STPG2: variants seen among roughly 807,000 people sequenced by gnomAD.
STPG2 encodes sperm tail PG-rich repeat containing 2, also known as sperm-tail PG-rich repeat-containing protein 2.
In STPG2, 56 loss-of-function variants were observed where a neutral mutation model predicts 54.2. That is an observed-to-expected ratio of 1.03 (90% CI 0.83 to 1.29). The LOEUF (loss-of-function observed/expected upper bound fraction) is 1.29. Ranked by LOEUF, STPG2 falls within the 50% of genes most tolerant of loss-of-function variation. The pLI is 0.00. For synonymous variants in STPG2, 200 were observed against 181.8 expected, an observed-to-expected ratio of 1.10 and a Z score of -0.81; for missense variants, 596 against 544.9, an observed-to-expected ratio of 1.09 and a Z score of -0.93.
At chr4:97,591,640 A>C (rs914739313) in intron 10 of STPG2, among the ~76,000 whole-genome samples, 3 of 152,088 alleles carry the variant, frequency 2.0e-5, no homozygotes, top group Non-Finnish European at 2.9e-5. Context: ...GTACTTTTTT[A>C]TTTCTTTCAA....
intron 9 of STPG2, among the ~76,000 whole-genome samples, chr4:97,821,129 TA>T (rs1404182142): frequency 6.6e-6 from 1 of 152,008 alleles, no homozygotes; most frequent in Non-Finnish European, 1.5e-5. Flanking sequence ...CAAAAACAGG[TA>T]GTTACTTTAA....
chr4:97,943,928 C>A lies in STPG2; in HGVS notation c.1013G>T (p.Arg338Ile). Residue 338 changes from arginine (R) to isoleucine (I), a missense_variant, in exon 8 of 11, where the codon AGA (arginine) becomes ATA (isoleucine). By Grantham distance (97) the Arg-to-Ile change is moderately conservative (BLOSUM62 -3). Coordinates refer to ENST00000295268, the MANE Select transcript of STPG2 (RefSeq NM_174952.3). The stretch of plus-strand genomic sequence containing the variant: ...TGGTACTTTCATAGTTCTTTTGGCT[C>A]TTGACAAGAAAGCAGCATATTTGTT... ...LTNKYAAFLS[R>I]AKRTMKVPDM... 6.3e-7 allele frequency: 1 copy of A among 1,589,442 alleles called. No homozygotes were observed. Among genetic ancestry groups the A allele is most frequent in the Non-Finnish European group, 8.5e-7 (1 of 1,172,410 alleles).
At chr4:97,740,361 C>T (rs2149035799) in intron 9 of STPG2, among the ~76,000 whole-genome samples, 1 of 152,172 alleles carries the variant, frequency 6.6e-6, no homozygotes, top group East Asian at 1.9e-4. Context: ...AAGTTCTGGC[C>T]AGGGAATTAG....
chr4:97,876,830 T>C (rs1017578050), intron 8 of STPG2, among the ~76,000 whole-genome samples: 5 of 152,070 alleles, frequency 3.3e-5, no homozygotes, highest in African/African-American at 1.2e-4. Flanking sequence ...GCAAAGAGAC[T>C]CTATGTTTTC....
chr4:98,027,136 A>C (rs1736448511), intron 5 of STPG2, among the ~76,000 whole-genome samples: 2 of 152,204 alleles, frequency 1.3e-5, no homozygotes, highest in Non-Finnish European at 2.9e-5. Context: ...TCCAAAGACA[A>C]GAGGTATTTG....
intron 5 of STPG2, among the ~76,000 whole-genome samples, chr4:98,086,864 G>T (rs986543560): frequency 6.6e-6 from 1 of 151,916 alleles, no homozygotes; most frequent in Non-Finnish European, 1.5e-5. Context: ...AATGACTAAG[G>T]ATACAACCAA....
chr4:97,868,327 G>A (rs557809263), intron 8 of STPG2, among the ~76,000 whole-genome samples: 12 of 151,870 alleles, frequency 7.9e-5, no homozygotes, highest in African/African-American at 1.4e-4. Flanking sequence ...CATCTTTGGC[G>A]GAGGTTCATC....
intron 8 of STPG2, among the ~76,000 whole-genome samples, chr4:97,941,153 A>G (rs1732965363): frequency 6.6e-6 from 1 of 152,118 alleles, no homozygotes; most frequent in South Asian, 2.1e-4. Context: ...AAATGCGGCT[A>G]ATGTTGCTAA....
chr4:98,142,190 A>G (rs1258180718), intron 1 of STPG2, among the ~76,000 whole-genome samples: 1 of 152,184 alleles, frequency 6.6e-6, no homozygotes. Flanking sequence ...AAACACTGAC[A>G]GAAGTCAAAT....
intron 5 of STPG2, among the ~76,000 whole-genome samples, chr4:98,008,737 T>A (rs1036734775): frequency 1.3e-5 from 2 of 152,026 alleles, no homozygotes; most frequent in African/African-American, 4.8e-5. Flanking sequence ...CATATCAATT[T>A]TAACCTTGAA....
chr4:97,518,086 G>A (rs1731111010), intron 4 of STPG2, among the ~76,000 whole-genome samples: 1 of 152,060 alleles, frequency 6.6e-6, no homozygotes, highest in South Asian at 2.1e-4. Context: ...TAGCTTTTAA[G>A]ACTGCCTAGA....
intron 10 of STPG2, among the ~76,000 whole-genome samples, chr4:97,571,446 A>C (rs1209099810): frequency 1.3e-5 from 2 of 152,110 alleles, no homozygotes; most frequent in Non-Finnish European, 2.9e-5. Flanking sequence ...CACAGACTTT[A>C]AATCTGATAA....
chr4:97,968,269 CA>C (rs1397794330), intron 7 of STPG2, among the ~76,000 whole-genome samples: 1 of 152,076 alleles, frequency 6.6e-6, no homozygotes, highest in Non-Finnish European at 1.5e-5. Context: ...CGACCAATAA[CA>C]GGTTCTGAAA....
chr4:97,904,444 A>T (rs1405621282), intron 8 of STPG2, among the ~76,000 whole-genome samples: 1 of 152,140 alleles, frequency 6.6e-6, no homozygotes, highest in Non-Finnish European at 1.5e-5. Context: ...CACACCAAAA[A>T]CCCATCTGTA....
At chr4:98,111,571 T>C (rs1739348396) in intron 3 of STPG2, among the ~76,000 whole-genome samples, 1 of 152,154 alleles carries the variant, frequency 6.6e-6, no homozygotes, top group Non-Finnish European at 1.5e-5. Context: ...CATTATAATA[T>C]ATAAGCACAA....
rs1158629044 is a variant in STPG2 at position 97,972,309 on chromosome 4, A to G, written c.904T>C (p.Cys302Arg). The G allele has an allele frequency of 1.3e-5, 21 of 1,603,974 alleles. No individual in the cohort carries two copies. The highest frequency in any genetic ancestry group is 1.5e-5 in the Non-Finnish European group (18 of 1,175,394). ...RTFFSVQKEA[C>R]ATPGPADYQE... is the part of the protein sequence containing the mutation. ...TAATCAGCAGGTCCAGGGGTAGCAC[A>G]AGCTTCTTTCTGAACCGAGAAGAAA... Residue 302 changes from cysteine (C) to arginine (R), a missense_variant, in exon 7 of 11, where the codon TGT becomes CGT. Cys to Arg is a radical substitution (Grantham distance 180, BLOSUM62 -3). Coordinates refer to ENST00000295268, the MANE Select transcript of STPG2 (RefSeq NM_174952.3).
chr4:97,521,845 C>T (rs900065501), intron 4 of STPG2, among the ~76,000 whole-genome samples: 1 of 151,892 alleles, frequency 6.6e-6, no homozygotes, highest in Non-Finnish European at 1.5e-5. Flanking sequence ...CCCTGTGATG[C>T]ATGCTTGTAG....
intron 6 of STPG2, among the ~76,000 whole-genome samples, chr4:97,980,108 C>T (rs1016254782): frequency 2.0e-5 from 3 of 151,986 alleles, no homozygotes; most frequent in African/African-American, 7.3e-5. Flanking sequence ...ATCCTTTGAG[C>T]CAGGAGTTGG....
rs914667877 is a variant in STPG2 at position 98,087,525 on chromosome 4, T to C, written c.612+18428A>G. Among the ~76,000 whole-genome samples the C allele has an allele frequency of 3.3e-5, 5 of 151,940 alleles. No homozygotes were observed. The East Asian group carries it at 5.8e-4, about 18-fold the overall frequency. ...TCCTTTAAAATTCAGATCAATATAATTGTATCCCTTAATTCAGTAATTCTC... is the reference window on the plus strand; with the variant it reads ...TCCTTTAAAATTCAGATCAATATAACTGTATCCCTTAATTCAGTAATTCTC... On this transcript the variant is annotated intron_variant, in intron 5 of 10. Coordinates refer to ENST00000295268, the MANE Select transcript of STPG2 (RefSeq NM_174952.3).
Sources: allele counts gnomAD v4.1 joint callset (sites outside exome capture counted in the v4.1 genomes callset), GRCh38; gene constraint gnomAD v4.1.1; transcripts MANE v1.5; gene names NCBI Gene and HGNC (gene_info 2026-07-23, HGNC 2026-07-21).